PCDHGA1: variants seen among roughly 807,000 people sequenced by gnomAD.
The protein encoded by PCDHGA1 is protocadherin gamma-A1.
Under a neutral mutation model 58.0 loss-of-function variants are expected in PCDHGA1, and 32 were observed. The observed-to-expected ratio is 0.55, with a 90% CI of 0.42 to 0.74. The LOEUF (loss-of-function observed/expected upper bound fraction) is 0.74, where lower values mean the gene tolerates loss of function less well. Among genes scored for constraint, PCDHGA1 ranks in the 30% least tolerant of loss-of-function variants. The pLI is 0.00. For missense variants in PCDHGA1, 1,205 were observed against 1,182.3 expected (o/e 1.02, Z -0.28); for synonymous variants, 498 against 501.1 (o/e 0.99, Z 0.08).
At chr5:141,428,187 C>A in intron 1 of PCDHGA1, 1 of 1,439,502 alleles carries the variant, frequency 6.9e-7, no homozygotes, top group Non-Finnish European at 9.6e-7. Flanking sequence ...GGACAGCCGC[C>A]GCTCTCTGCG....
At chr5:141,363,170 G>A (rs1375062586) in intron 1 of PCDHGA1, among the ~76,000 whole-genome samples, 1 of 152,186 alleles carries the variant, frequency 6.6e-6, no homozygotes, top group Non-Finnish European at 1.5e-5. Context: ...TCTCTAACAT[G>A]CATTTTAACA....
At position 141,366,206 on chromosome 5, in the gene PCDHGA1, G is replaced by A. The variant is rs200201332; in HGVS notation, c.2421+33101G>A. ...TGCGGTTGGGCTGCACACGGGCGAG[G>A]TGCGCACAGCGCGAGCCCTGCTGGA... On this transcript the variant is annotated intron_variant, in intron 1 of 3. Coordinates refer to ENST00000517417, the MANE Select transcript of PCDHGA1 (RefSeq NM_018912.3). 1.5e-4 allele frequency: 235 copies of A among 1,613,848 alleles called. No individual in the cohort carries two copies. The African/African-American group carries it at 2.7e-3, about 18-fold the overall frequency.
chr5:141,427,109 C>A lies in PCDHGA1; in HGVS notation c.2422-67698C>A, dbSNP rs141512367. On this transcript the variant is annotated intron_variant, in intron 1 of 3. Coordinates refer to ENST00000517417, the MANE Select transcript of PCDHGA1 (RefSeq NM_018912.3). ...AGGATGAGGGTGTCAATGCGGAGAT[C>A]ACCTACTCTTTCAAATCCCTACGAG... 1,737 of 457,784 alleles carry A rather than the reference C, an allele frequency of 3.8e-3. 17 individuals carry two copies. Among genetic ancestry groups the A allele is most frequent in the Admixed American group, 0.01 (426 of 42,600 alleles). 28.4% of individuals were successfully genotyped at this position (457,784 alleles called of 1,614,324 possible). A position where few individuals can be genotyped will look rare whatever the true frequency, so the allele number is the denominator to read the frequency against.
chr5:141,365,707 C>T, intron 1 of PCDHGA1: 1 of 1,613,728 alleles, frequency 6.2e-7, no homozygotes, highest in Non-Finnish European at 8.5e-7. Flanking sequence ...CCTACTCCAC[C>T]TCTGTCACAG....
intron 1 of PCDHGA1, chr5:141,379,270 GATTT>G (rs1013953164): frequency 5.3e-5 from 8 of 152,170 alleles, no homozygotes; most frequent in African/African-American, 7.2e-5. Context: ...AATTGTTATA[GATTT>G]ATTTATTTCA....
chr5:141,350,849 C>A, intron 1 of PCDHGA1: 1 of 1,614,064 alleles, frequency 6.2e-7, no homozygotes, highest in Non-Finnish European at 8.5e-7. Flanking sequence ...GGAAAAACCT[C>A]TAGACAGGGA....
chr5:141,471,112 G>A (rs1442344944), intron 1 of PCDHGA1, among the ~76,000 whole-genome samples: 3 of 147,914 alleles, frequency 2.0e-5, no homozygotes, highest in Non-Finnish European at 4.4e-5. Flanking sequence ...GCAGTGGTGC[G>A]ATCTTACCTT....
At chr5:141,344,231 C>G (rs1350756695) in intron 1 of PCDHGA1, 24 of 1,613,918 alleles carry the variant, frequency 1.5e-5, no homozygotes, top group African/African-American at 2.7e-5. Context: ...GAGTCCGCAT[C>G]GTCTCCAGAG....
intron 1 of PCDHGA1, chr5:141,393,452 GGCCTCGGATGGCGGCAAGCC>G: frequency 6.2e-7 from 1 of 1,614,030 alleles, no homozygotes; most frequent in Admixed American, 1.7e-5. Context: ...TGGTCCTCAC[GGCCTCGGATGGCGGCAAGCC>G]GCCTCGCTCT....
intron 1 of PCDHGA1, chr5:141,377,922 C>A (rs1453139299): frequency 6.6e-6 from 1 of 152,166 alleles, no homozygotes; most frequent in East Asian, 1.9e-4. Context: ...TAAAAATCCA[C>A]CTGTAACTGC....
At chr5:141,389,141 C>G (rs919430175) in intron 1 of PCDHGA1, 1 of 1,613,878 alleles carries the variant, frequency 6.2e-7, no homozygotes, top group African/African-American at 1.3e-5. Context: ...ACAATATAAC[C>G]GTTACGGCAA....
At chr5:141,382,993 C>G (rs762865747) in intron 1 of PCDHGA1, 2 of 1,613,542 alleles carry the variant, frequency 1.2e-6, no homozygotes, top group East Asian at 2.2e-5. Context: ...AGGACGTATT[C>G]TCTACTCCGT....
intron 1 of PCDHGA1, chr5:141,360,144 G>A (rs1761438795): frequency 6.3e-7 from 1 of 1,596,148 alleles, no homozygotes; most frequent in Non-Finnish European, 8.6e-7. Context: ...AGATGAAAGC[G>A]AGCTCAGGGA....
chr5:141,436,207 A>G (rs544201723), intron 1 of PCDHGA1, among the ~76,000 whole-genome samples: 67 of 152,260 alleles, frequency 4.4e-4, no homozygotes, highest in Non-Finnish European at 7.9e-4. Flanking sequence ...ACATAATAGG[A>G]AAACAAATGA....
At chr5:141,426,963 C>G (rs1008659501) in intron 1 of PCDHGA1, 1 of 456,646 alleles carries the variant, frequency 2.2e-6, no homozygotes, top group African/African-American at 2.0e-5. Flanking sequence ...TGCTGCAATT[C>G]AAATTGAGGT....
rs1228153118 is a variant in PCDHGA1 at position 141,433,077 on chromosome 5, C to G, written c.2422-61730C>G. 5.0e-6 allele frequency: 8 copies of G among 1,614,080 alleles called. No homozygotes were observed. The African/African-American group carries it at 6.7e-5, about 13-fold the overall frequency. On this transcript the variant is annotated intron_variant, in intron 1 of 3. Transcript: ENST00000517417. Reference sequence around the variant, plus strand: ...AAGAGTCACCTGATCTTCCCCCAGCCCAACTATGCAGACATGCTCGTCAGC... The same window carrying G: ...AAGAGTCACCTGATCTTCCCCCAGCGCAACTATGCAGACATGCTCGTCAGC...
At chr5:141,344,890 G>A (rs1757487900) in intron 1 of PCDHGA1, 1 of 1,613,726 alleles carries the variant, frequency 6.2e-7, no homozygotes, top group Non-Finnish European at 8.5e-7. Flanking sequence ...AAAATGCCTG[G>A]GAAAATCGCT....
In PCDHGA1 at chr5:141,489,720, G is replaced by A. The variant is rs560729125; in HGVS notation, c.2422-5087G>A. ...TCCCACTGGACAGTGCCCAGGATCC[G>A]GATGTGGGCACCAATACTGTGAGCT... On this transcript the variant is annotated intron_variant, in intron 1 of 3. Transcript: ENST00000517417. The surrounding 1 kb of genome is among the most constrained non-coding windows in gnomAD (Gnocchi z 4.5). The A allele has an allele frequency of 3.2e-5, 51 of 1,614,200 alleles. No individual in the cohort carries two copies. The highest frequency in any genetic ancestry group is 9.3e-5 in the African/African-American group (7 of 75,048).
At chr5:141,361,236 C>A in intron 1 of PCDHGA1, 3 of 1,613,946 alleles carry the variant, frequency 1.9e-6, no homozygotes, top group Non-Finnish European at 2.5e-6. Flanking sequence ...CAGTGATCGC[C>A]TTGATAAAAA....
Sources: allele counts gnomAD v4.1 joint callset (sites outside exome capture counted in the v4.1 genomes callset), GRCh38; gene constraint gnomAD v4.1.1; non-coding constraint Gnocchi (gnomAD v3.1); transcripts MANE v1.5; gene names NCBI Gene and HGNC (gene_info 2026-07-23, HGNC 2026-07-21).